Variants in TMTC4 observed in about 807,000 individuals in gnomAD.
The protein encoded by TMTC4 is transmembrane O-mannosyltransferase targeting cadherins 4.
TMTC4 carries 65 observed loss-of-function variants against 86.0 expected under a neutral mutation model. The observed-to-expected ratio is 0.76, with a 90% confidence interval of 0.62 to 0.93. The LOEUF (loss-of-function observed/expected upper bound fraction) is 0.93, where lower values mean the gene tolerates loss of function less well. Among genes scored for constraint, TMTC4 ranks in the 40% least tolerant of loss-of-function variants. The probability of loss-of-function intolerance (pLI) is 0.00; values close to 1 mark genes in which losing one functional copy is unlikely to be tolerated. For synonymous variants in TMTC4, 379 were observed against 382.5 expected (o/e 0.99, Z 0.11); for missense variants, 866 against 948.1 (o/e 0.91, Z 1.14).
At position 100,674,690 on chromosome 13, in the gene TMTC4, A is replaced by G. The variant is rs1887619132; in HGVS notation, c.-208+54T>C. ...GGAACCCGCGCCCGCTCCGCGTCCA[A>G]CTCCGCTCGCCCCGCGGCGCGCTCG... is the stretch of plus-strand genomic sequence containing the variant. On this transcript the variant is annotated intron_variant, in intron 1 of 18. Coordinates refer to ENST00000342624, the MANE Select transcript of TMTC4 (RefSeq NM_032813.5). 4.1e-6 allele frequency: 4 copies of G among 981,722 alleles called. No individual in the cohort carries two copies. In the African/African-American group the frequency reaches 7.1e-5, roughly 17 times the overall value. The allele number at this position is 981,722 out of a possible 1,614,324, so 60.8% of individuals were successfully genotyped here.
intron 15 of TMTC4, among the ~76,000 whole-genome samples, chr13:100,618,457 T>C (rs993401214): frequency 2.0e-5 from 3 of 149,540 alleles, no homozygotes; most frequent in African/African-American, 7.4e-5. Flanking sequence ...GCTTCTTGTT[T>C]TTTTTTTTTT....
chr13:100,603,799 A>G lies in TMTC4; in HGVS notation c.*1195T>C, dbSNP rs916473610. On this transcript the variant is annotated 3_prime_UTR_variant, in exon 19 of 19. Transcript: ENST00000342624. ...TTGGAAAACACTGTAGTGCCATTCTATGAAATGGTCCCCAAGTCACACAGA... is the reference window on the plus strand; with the variant it reads ...TTGGAAAACACTGTAGTGCCATTCTGTGAAATGGTCCCCAAGTCACACAGA... 1 of 152,172 alleles carries G rather than the reference A, an allele frequency of 6.6e-6. No individual in the cohort carries two copies. Among genetic ancestry groups the G allele is most frequent in the Non-Finnish European group, 1.5e-5 (1 of 68,022 alleles). The allele number at this position is 152,172 out of a possible 1,614,324, so 9.4% of individuals were successfully genotyped here. A position where few individuals can be genotyped will look rare whatever the true frequency, so the allele number is the denominator to read the frequency against.
chr13:100,646,777 C>T (rs1016937642), intron 6 of TMTC4, among the ~76,000 whole-genome samples: 1 of 152,162 alleles, frequency 6.6e-6, no homozygotes. Flanking sequence ...TTCTATGTAT[C>T]TAATGTCAAA....
chr13:100,664,284 C>T lies in TMTC4; in HGVS notation c.272G>A (p.Gly91Asp). The part of the protein sequence containing the change: ...LGDLWHHDFW[G>D]SRLSSNTSHK... ...GCTGGTGTTGCTGCTCAGTCTACTG[C>T]CCCAGAAGTCATGATGCCACAGGTC... is the stretch of plus-strand genomic sequence containing the variant. The change falls in exon 4 of 19, where the codon GGC (glycine) becomes GAC (aspartate). Residue 91 changes from glycine (G) to aspartate (D), a missense_variant. By Grantham distance (94) the Gly-to-Asp change is moderately conservative. Coordinates refer to ENST00000342624, the MANE Select transcript of TMTC4 (RefSeq NM_032813.5). The T allele has an allele frequency of 6.2e-7, 1 of 1,612,308 alleles. No homozygotes were observed. Among genetic ancestry groups the T allele is most frequent in the South Asian group, 1.1e-5 (1 of 90,866 alleles).
At chr13:100,607,689 T>C (rs1331944480) in intron 17 of TMTC4, among the ~76,000 whole-genome samples, 1 of 149,858 alleles carries the variant, frequency 6.7e-6, no homozygotes, top group Non-Finnish European at 1.5e-5. Context: ...TCCTTTGCCC[T>C]GTATGGCCTG....
At chr13:100,672,046 C>CACAACAT (rs1887174543) in intron 1 of TMTC4, among the ~76,000 whole-genome samples, 1 of 152,004 alleles carries the variant, frequency 6.6e-6, no homozygotes, top group African/African-American at 2.4e-5. Flanking sequence ...TGGCACAACA[C>CACAACAT]AGTACCACCA....
chr13:100,626,468 G>C (rs1351977436), intron 12 of TMTC4, among the ~76,000 whole-genome samples: 2 of 152,168 alleles, frequency 1.3e-5, no homozygotes, highest in African/African-American at 4.8e-5. Flanking sequence ...TTGATTTTTA[G>C]AGATGGGGTC....
At chr13:100,615,774 C>A (rs556195453) in intron 15 of TMTC4, among the ~76,000 whole-genome samples, 43 of 152,306 alleles carry the variant, frequency 2.8e-4, no homozygotes, top group African/African-American at 1.0e-3. Flanking sequence ...ATTTTAGATT[C>A]AGAATGTACA....
Position 100,625,638 on chromosome 13 carries a change from A to G in TMTC4, c.1733T>C (p.Val578Ala), listed in dbSNP as rs773086107. The change falls in exon 15 of 19, where the codon GTG (valine) becomes GCG (alanine). Residue 578 changes from valine (V) to alanine (A), a missense_variant. Physicochemically the swap from Val to Ala is moderately conservative, Grantham distance 64 (BLOSUM62 0). Transcript: ENST00000342624. ...TTCAAACCGTTTCAGGCTATTCTGC[A>G]CTATGCCTAGATTCATCCACGCAGC... Reference protein sequence around the residue: ...FAAAWMNLGIVQNSLKRFEAA... With the variant: ...FAAAWMNLGIAQNSLKRFEAA... The G allele has an allele frequency of 6.2e-7, 1 of 1,614,190 alleles. No homozygotes were observed. Among genetic ancestry groups the G allele is most frequent in the East Asian group, 2.2e-5 (1 of 44,880 alleles).
chr13:100,644,178 T>G (rs1274503874), intron 6 of TMTC4, among the ~76,000 whole-genome samples: 1 of 144,882 alleles, frequency 6.9e-6, no homozygotes, highest in Admixed American at 7.1e-5. Flanking sequence ...CGATCTCGGG[T>G]CACTGCAAGT....
At chr13:100,612,536 A>G (rs1877772794) in intron 16 of TMTC4, 26 bp from the exon 17 acceptor site, 2 of 1,558,528 alleles carry the variant, frequency 1.3e-6, no homozygotes, top group Non-Finnish European at 1.8e-6. Context: ...GGAAAAATAA[A>G]AGACATGTTA....
Position 100,605,228 on chromosome 13 carries a change from G to T in TMTC4, c.2135-86C>A. 3 of 1,442,980 alleles carry T rather than the reference G, an allele frequency of 2.1e-6. No individual in the cohort carries two copies. Among genetic ancestry groups the T allele is most frequent in the Non-Finnish European group, 1.9e-6 (2 of 1,072,098 alleles). The allele number at this position is 1,442,980 out of a possible 1,614,324, so 89.4% of individuals were successfully genotyped here. A position where few individuals can be genotyped will look rare whatever the true frequency, so the allele number is the denominator to read the frequency against. ...CCCTCTTGGACAAAGAAATATTACA[G>T]ATCCTATGCAAACAGTTTTCAAAAG... On this transcript the variant is annotated intron_variant, in intron 18 of 18. Coordinates refer to ENST00000342624, the MANE Select transcript of TMTC4 (RefSeq NM_032813.5). This position sits in a 1 kb window ranked among gnomAD's most constrained non-coding sequence, Gnocchi z 4.3.
chr13:100,660,796 G>A lies in TMTC4; in HGVS notation c.552+2168C>T, dbSNP rs146804615. On this transcript the variant is annotated intron_variant, in intron 5 of 18. Coordinates refer to ENST00000342624, the MANE Select transcript of TMTC4 (RefSeq NM_032813.5). ...ACCCTCCTGAGTAGCTGGGACTACA[G>A]GGGCATACCACCATGCCCGGCTCAT... Among the ~76,000 whole-genome samples the A allele has an allele frequency of 1.7e-3, 254 of 152,158 alleles. 5 individuals carry two copies. The South Asian group carries it at 0.02, about 12-fold the overall frequency.
chr13:100,672,266 T>C (rs545727222), intron 1 of TMTC4, among the ~76,000 whole-genome samples: 10 of 152,362 alleles, frequency 6.6e-5, no homozygotes, highest in African/African-American at 1.9e-4. Context: ...CTGGTGCGAC[T>C]GAGAAAGGCG....
At chr13:100,657,838 G>C (rs1362700846) in intron 5 of TMTC4, among the ~76,000 whole-genome samples, 1 of 152,206 alleles carries the variant, frequency 6.6e-6, no homozygotes, top group Non-Finnish European at 1.5e-5. Context: ...TTTAGGAGCA[G>C]ATTCCCCTAC....
intron 3 of TMTC4, among the ~76,000 whole-genome samples, chr13:100,667,711 T>C (rs754244435): frequency 5.3e-5 from 8 of 152,162 alleles, no homozygotes; most frequent in Non-Finnish European, 1.2e-4. Context: ...GGGAGCTAAA[T>C]GTGTATATTC....
chr13:100,674,976 C>T (rs1887686134), upstream of TMTC4: 4 of 985,572 alleles, frequency 4.1e-6, no homozygotes, highest in Non-Finnish European at 4.8e-6. Context: ...AGGCCACAGC[C>T]AAGTCCCTCC....
intron 6 of TMTC4, among the ~76,000 whole-genome samples, chr13:100,649,605 T>C (rs1884170707): frequency 6.6e-6 from 1 of 152,154 alleles, no homozygotes; most frequent in Admixed American, 6.5e-5. Flanking sequence ...CTATATTACA[T>C]TTTTCTTGCA....
In TMTC4 at chr13:100,633,544, A is replaced by C. The variant is rs981093264; in HGVS notation, c.1506+1261T>G. Among the ~76,000 whole-genome samples, 18 of 152,166 alleles carry C rather than the reference A, an allele frequency of 1.2e-4. 1 individual carries two copies. Among genetic ancestry groups the C allele is most frequent in the Admixed American group, 1.0e-3 (16 of 15,276 alleles). ...GATTCATCAAGAATACAAGTGAAAA[A>C]ATTCCTACCAGATTGCTTCAAACAA... is the stretch of plus-strand genomic sequence containing the variant. On this transcript the variant is annotated intron_variant, in intron 12 of 18. Transcript: ENST00000342624.
Sources: allele counts gnomAD v4.1 joint callset (sites outside exome capture counted in the v4.1 genomes callset), GRCh38; gene constraint gnomAD v4.1.1; non-coding constraint Gnocchi (gnomAD v3.1); transcripts MANE v1.5; gene names NCBI Gene and HGNC (gene_info 2026-07-23, HGNC 2026-07-21).